EML6: variants seen among roughly 807,000 people sequenced by gnomAD.
EML6 encodes EMAP like 6, also known as echinoderm microtubule-associated protein-like 6.
In EML6, 154 loss-of-function variants were observed where a neutral mutation model predicts 240.1. The ratio of observed to expected loss-of-function variants is 0.64; its 90% CI spans 0.56 to 0.73. The LOEUF (loss-of-function observed/expected upper bound fraction) is 0.73. Ranked by LOEUF, EML6 falls within the 30% of genes least tolerant of loss-of-function variation. EML6 has a pLI of 0.00. For synonymous variants in EML6, 1,148 were observed against 899.0 expected, an observed-to-expected ratio of 1.28 and a Z score of -4.95; for missense variants, 2,964 against 2,474.6, an observed-to-expected ratio of 1.20 and a Z score of -4.20.
intron 5 of EML6, among the ~76,000 whole-genome samples, chr2:54,822,128 A>G (rs1668362030): frequency 6.6e-6 from 1 of 152,180 alleles, no homozygotes; most frequent in Non-Finnish European, 1.5e-5. Flanking sequence ...ACTGACAAAT[A>G]GAAACACTGT....
chr2:54,837,612 TAG>T (rs1669223220), intron 7 of EML6, among the ~76,000 whole-genome samples: 2 of 152,260 alleles, frequency 1.3e-5, no homozygotes, highest in South Asian at 4.1e-4. Context: ...TCCAGTGGGG[TAG>T]AGTTTGCCAG....
chr2:54,797,323 C>G (rs565233132), intron 2 of EML6, among the ~76,000 whole-genome samples: 1 of 151,984 alleles, frequency 6.6e-6, no homozygotes, highest in East Asian at 1.9e-4. Flanking sequence ...ACAATAACAG[C>G]CATCGGAGTT....
chr2:54,899,887 C>T lies in EML6; in HGVS notation c.3124+105C>T, dbSNP rs1672966085. On this transcript the variant is annotated intron_variant, in intron 22 of 41. Coordinates refer to ENST00000356458, the MANE Select transcript of EML6 (RefSeq NM_001039753.4). ...TTACTGAGGGCACGTGTTATATGCCCATAAATATGCTGGGCAATGAGAATT... is the reference window on the plus strand; with the variant it reads ...TTACTGAGGGCACGTGTTATATGCCTATAAATATGCTGGGCAATGAGAATT... 6.4e-6 allele frequency: 7 copies of T among 1,097,310 alleles called. No homozygotes were observed. The South Asian group carries it at 6.7e-5, about 11-fold the overall frequency. 68.0% of individuals were successfully genotyped at this position (1,097,310 alleles called of 1,614,324 possible).
intron 9 of EML6, 127 bp downstream of exon 9, chr2:54,847,750 GA>G: frequency 8.4e-6 from 8 of 951,266 alleles, no homozygotes; most frequent in Admixed American, 2.7e-5. Context: ...GAATACTATA[GA>G]TCTACGATCC....
intron 5 of EML6, among the ~76,000 whole-genome samples, chr2:54,824,420 A>G (rs773401193): frequency 3.3e-5 from 5 of 152,028 alleles, no homozygotes; most frequent in Non-Finnish European, 7.4e-5. Context: ...TCAAAAAATT[A>G]TTTTTGCTGT....
At chr2:54,948,046 ATAAC>A in intron 28 of EML6, among the ~76,000 whole-genome samples, 1 of 152,292 alleles carries the variant, frequency 6.6e-6, no homozygotes, top group South Asian at 2.1e-4. Flanking sequence ...CCCGGGAGCA[ATAAC>A]TAATTACTTT....
chr2:54,886,635 T>C (rs1432849820), intron 17 of EML6, among the ~76,000 whole-genome samples: 2 of 152,218 alleles, frequency 1.3e-5, no homozygotes, highest in Non-Finnish European at 1.5e-5. Flanking sequence ...ATTTTTATTA[T>C]AGCCACCTCA....
intron 11 of EML6, among the ~76,000 whole-genome samples, 186 bp downstream of exon 11, chr2:54,854,041 T>C (rs1011030943): frequency 3.3e-5 from 5 of 152,252 alleles, no homozygotes; most frequent in Admixed American, 6.5e-5. Flanking sequence ...TCTTAAGATA[T>C]GTGGTTTTGC....
intron 26 of EML6, among the ~76,000 whole-genome samples, chr2:54,926,579 C>G (rs549245620): frequency 1.3e-5 from 2 of 152,218 alleles, no homozygotes; most frequent in Non-Finnish European, 2.9e-5. Flanking sequence ...TAGGCCCTGC[C>G]GGGAACCACT....
intron 28 of EML6, among the ~76,000 whole-genome samples, chr2:54,936,350 C>T (rs1675133663): frequency 6.6e-6 from 1 of 152,148 alleles, no homozygotes; most frequent in Non-Finnish European, 1.5e-5. Flanking sequence ...CTGGTGGAGC[C>T]ATGGTTAGTA....
chr2:54,953,113 CACTT>C, intron 31 of EML6, among the ~76,000 whole-genome samples: 1 of 152,236 alleles, frequency 6.6e-6, no homozygotes, highest in East Asian at 1.9e-4. Flanking sequence ...AGTTTGTTTT[CACTT>C]AGTCATCTCG....
chr2:54,948,860 C>T (rs1023366051), intron 28 of EML6, 22 bp from the exon 29 acceptor site: 27 of 1,544,484 alleles, frequency 1.7e-5, no homozygotes, highest in South Asian at 4.8e-5. Context: ...GCTGTGCTTC[C>T]TCTGGCCGCT....
intron 11 of EML6, among the ~76,000 whole-genome samples, chr2:54,856,091 G>C (rs73938634): frequency 0.039 from 5,943 of 152,274 alleles, 403 homozygotes; most frequent in African/African-American, 0.13. Flanking sequence ...ACAGTAATTA[G>C]ACGTAAGTGT....
At position 54,950,476 on chromosome 2, in the gene EML6, G is replaced by A. The variant is rs78123627; in HGVS notation, c.4084-174G>A. ...AGCATTTCAGAAAACTAAAGAAGGGGCTGCATTTTCTCCTCAGCCAGTCAA... is the reference window on the plus strand; with the variant it reads ...AGCATTTCAGAAAACTAAAGAAGGGACTGCATTTTCTCCTCAGCCAGTCAA... On this transcript the variant is annotated intron_variant, in intron 29 of 41. Coordinates refer to ENST00000356458, the MANE Select transcript of EML6 (RefSeq NM_001039753.4). Among the ~76,000 whole-genome samples the A allele has an allele frequency of 3.6e-3, 551 of 152,348 alleles. 4 individuals carry two copies. Among genetic ancestry groups the A allele is most frequent in the African/African-American group, 0.013 (527 of 41,572 alleles).
chr2:54,894,635 C>A (rs1168974178), intron 19 of EML6, among the ~76,000 whole-genome samples: 1 of 152,214 alleles, frequency 6.6e-6, no homozygotes, highest in Non-Finnish European at 1.5e-5. Context: ...TGGGCACAAG[C>A]AGAGCCATCC....
intron 2 of EML6, among the ~76,000 whole-genome samples, chr2:54,740,009 TAGTC>T (rs2103641736): frequency 6.6e-6 from 1 of 152,242 alleles, no homozygotes; most frequent in East Asian, 1.9e-4. Context: ...GTTTCTGACT[TAGTC>T]AGCTGGTTGA....
chr2:54,765,516 A>C (rs1033372259), intron 2 of EML6, among the ~76,000 whole-genome samples: 7 of 152,168 alleles, frequency 4.6e-5, no homozygotes, highest in Non-Finnish European at 1.0e-4. Context: ...GTTGGAGTGC[A>C]GTGGCACGAT....
rs772778697 is a variant in EML6, at chr2:54,725,250, C to G, written c.189C>G (p.Asp63Glu). 2.0e-5 allele frequency: 30 copies of G among 1,468,152 alleles called. No homozygotes were observed. The allele number at this position is 1,468,152 out of a possible 1,614,324, so 90.9% of individuals were successfully genotyped here. ...AATTCTTCCTGGGACACAACGACGA[C>G]ATTATCAGGTAAGGGGGTGGCCAGG... is the stretch of plus-strand genomic sequence containing the variant. ...SQKFFLGHNDDIISLALHPDK... is the reference protein window; with the variant it reads ...SQKFFLGHNDEIISLALHPDK... Residue 63 changes from aspartate (D) to glutamate (E), a missense_variant, in exon 2 of 42, where the codon GAC becomes GAG. By Grantham distance (45) the Asp-to-Glu change is conservative. Coordinates refer to ENST00000356458, the MANE Select transcript of EML6 (RefSeq NM_001039753.4). This position sits in a 1 kb window ranked among gnomAD's most constrained non-coding sequence, Gnocchi z 4.3.
intron 13 of EML6, among the ~76,000 whole-genome samples, chr2:54,865,529 G>C (rs1429171907): frequency 6.6e-6 from 1 of 152,126 alleles, no homozygotes; most frequent in East Asian, 1.9e-4. Flanking sequence ...TAAACAGTTT[G>C]AATATCCTTA....
Sources: gnomAD v4.1 joint callset for allele counts (sites outside exome capture counted in the v4.1 genomes callset) on GRCh38, gnomAD v4.1.1 for gene constraint, Gnocchi (gnomAD v3.1) non-coding constraint, MANE v1.5 for transcripts, NCBI Gene and HGNC (gene_info 2026-07-23, HGNC 2026-07-21) for gene names.